Variants in CASC3 observed in about 807,000 individuals in gnomAD.
CASC3 encodes the protein CASC3 exon junction complex subunit.
CASC3 carries 30 observed loss-of-function variants against 80.5 expected under a neutral mutation model. The ratio of observed to expected loss-of-function variants is 0.37; its 90% confidence interval spans 0.28 to 0.51. The LOEUF is 0.51. Among genes scored for constraint, CASC3 ranks in the 20% least tolerant of loss-of-function variants. The pLI is 0.94. For missense variants in CASC3, 824 were observed against 922.2 expected, an observed-to-expected ratio of 0.89 and a Z score of 1.38; for synonymous variants, 312 against 333.6, an observed-to-expected ratio of 0.94 and a Z score of 0.70.
rs553413473 is a variant in CASC3 at position 40,170,511 on chromosome 17, A to G, written c.*106A>G. On this transcript the variant is annotated 3_prime_UTR_variant, in exon 14 of 14. Transcript: ENST00000264645. Reference sequence around the variant, plus strand: ...CTATCTACTACCAGAAGGGCTTCAAAGATATAGGGTGTGGCTCCTACCAGC... The same window carrying G: ...CTATCTACTACCAGAAGGGCTTCAAGGATATAGGGTGTGGCTCCTACCAGC... The G allele has an allele frequency of 2.1e-5, 21 of 985,592 alleles. No homozygotes were observed. In the Admixed American group the frequency reaches 1.1e-3, roughly 52 times the overall value. The allele number at this position is 985,592 out of a possible 1,614,324, so 61.1% of individuals were successfully genotyped here. A position where few individuals can be genotyped will look rare whatever the true frequency, so the allele number is the denominator to read the frequency against.
chr17:40,155,321 A>G (rs555689004), intron 3 of CASC3, among the ~76,000 whole-genome samples: 32 of 151,590 alleles, frequency 2.1e-4, no homozygotes, highest in African/African-American at 6.5e-4. Context: ...CAGTGTCGCT[A>G]TCTTGGCTCA....
intron 3 of CASC3, among the ~76,000 whole-genome samples, chr17:40,145,556 G>A (rs930130816): frequency 2.0e-5 from 3 of 152,044 alleles, no homozygotes; most frequent in African/African-American, 7.2e-5. Flanking sequence ...TGTGACTGGA[G>A]CATTGTTGGG....
rs752490333 is a variant in CASC3, at chr17:40,167,915, C to T, written c.1717C>T (p.Leu573Phe). 2 of 1,614,100 alleles carry T rather than the reference C, an allele frequency of 1.2e-6. No individual in the cohort carries two copies. The highest frequency in any genetic ancestry group is 1.7e-6 in the Non-Finnish European group (2 of 1,179,992). ...SPAPLPPQGM[L>F]VQPGMNLPHP... ...TGCCCCGCTGCCTCCACAGGGCATG[C>T]TTGTGCAGCCAGGAATGAACCTTCC... The change falls in exon 10 of 14, where the codon CTT becomes TTT. Residue 573 changes from leucine to phenylalanine, a missense_variant. By Grantham distance (22) the Leu-to-Phe change is conservative. This residue lies in a region of CASC3 where 464 missense variants were observed against 506.0 expected (regional missense o/e 0.92). Transcript: ENST00000264645.
intron 3 of CASC3, among the ~76,000 whole-genome samples, chr17:40,150,643 A>G (rs1988979766): frequency 6.6e-6 from 1 of 152,182 alleles, no homozygotes; most frequent in African/African-American, 2.4e-5. Context: ...AGAAGCATCA[A>G]GGGAATGGAT....
At chr17:40,166,646 C>T (rs922169683) in intron 7 of CASC3, 151 bp from the exon 8 acceptor site, 2 of 514,392 alleles carry the variant, frequency 3.9e-6, no homozygotes, top group Non-Finnish European at 3.4e-6. Flanking sequence ...CTGGTGTTGA[C>T]AGAAAGCAGA....
chr17:40,163,724 T>G lies in CASC3; in HGVS notation c.1029T>G (p.Val343=), dbSNP rs144428076. The part of the protein sequence containing the change: ...GQHGGRSGET[V]KHEISYRSRR... ...ATGGTGGCCGGTCTGGTGAGACTGT[T>G]AAGCATGAGATTAGTTACCGGTCAC... is the stretch of plus-strand genomic sequence containing the variant. The change falls in exon 7 of 14, where the codon GTT becomes GTG. Residue 343 remains valine (V), a synonymous_variant. Coordinates refer to ENST00000264645, the MANE Select transcript of CASC3 (RefSeq NM_007359.5). 6,307 of 1,614,138 alleles carry G rather than the reference T, an allele frequency of 3.9e-3. 26 individuals carry two copies. The highest frequency in any genetic ancestry group is 4.4e-3 in the Non-Finnish European group (5,218 of 1,180,012).
At chr17:40,169,240 T>A in intron 11 of CASC3, 84 bp from the exon 12 acceptor site, 1 of 1,328,048 alleles carries the variant, frequency 7.5e-7, no homozygotes, top group South Asian at 1.9e-5. Flanking sequence ...CCAATTCTCT[T>A]ATGGCTGAAT....
At chr17:40,167,113 C>T in intron 8 of CASC3, 1 of 518,724 alleles carries the variant, frequency 1.9e-6, no homozygotes, top group Non-Finnish European at 3.4e-6. Context: ...AGGCACGTGC[C>T]ATCATGCCCA....
chr17:40,167,573 G>T lies in CASC3; in HGVS notation c.1612G>T (p.Val538Leu). 1 of 1,613,926 alleles carries T rather than the reference G, an allele frequency of 6.2e-7. No individual in the cohort carries two copies. The highest frequency in any genetic ancestry group is 8.5e-7 in the Non-Finnish European group (1 of 1,179,892). Residue 538 changes from valine to leucine, a missense_variant, in exon 9 of 14, where the codon GTG becomes TTG. Physicochemically the swap from Val to Leu is conservative, Grantham distance 32. Transcript: ENST00000264645. ...RPVPEPPAPP[V>L]HISIMEGHYY... Reference sequence around the variant, plus strand: ...TGTGCCAGAGCCCCCCGCCCCTCCAGTGCATATCAGTATCATGGAGGGACA... The same window carrying T: ...TGTGCCAGAGCCCCCCGCCCCTCCATTGCATATCAGTATCATGGAGGGACA...
intron 7 of CASC3, among the ~76,000 whole-genome samples, 178 bp downstream of exon 7, chr17:40,164,344 A>G (rs1282987232): frequency 6.6e-6 from 1 of 151,940 alleles, no homozygotes; most frequent in Non-Finnish European, 1.5e-5. Context: ...GCTCACTGCA[A>G]CCTTCGCCTC....
chr17:40,143,140 A>G (rs1178175694), intron 3 of CASC3, among the ~76,000 whole-genome samples: 1 of 151,936 alleles, frequency 6.6e-6, no homozygotes, highest in Non-Finnish European at 1.5e-5. Context: ...CAAAAAGAAT[A>G]GTAATTAGAA....
intron 4 of CASC3, 43 bp from the exon 5 acceptor site, chr17:40,161,959 C>T: frequency 6.2e-7 from 1 of 1,612,652 alleles, no homozygotes; most frequent in Non-Finnish European, 8.5e-7. Context: ...AATAGAGATT[C>T]TTGAGGCTTG....
At chr17:40,149,862 G>A (rs139275867) in intron 3 of CASC3, among the ~76,000 whole-genome samples, 2,314 of 152,008 alleles carry the variant, frequency 0.015, 81 homozygotes, top group African/African-American at 0.053. Context: ...AAAATTAGCC[G>A]GGCATGGTGG....
intron 3 of CASC3, among the ~76,000 whole-genome samples, chr17:40,150,415 CGTGTGTGTGTGTGT>C (rs10545573): frequency 2.7e-5 from 4 of 148,940 alleles, no homozygotes; most frequent in African/African-American, 4.9e-5. Flanking sequence ...AGAGTGTGTG[CGTGTGTGTGTGTGT>C]GTGTGTGTGT....
chr17:40,151,104 G>C (rs898437889), intron 3 of CASC3, among the ~76,000 whole-genome samples: 21 of 152,180 alleles, frequency 1.4e-4, no homozygotes, highest in Admixed American at 1.1e-3. Flanking sequence ...ATTTAGCCAG[G>C]TGCGTGCCTG....
Position 40,161,831 on chromosome 17 carries a change from T to TC in CASC3, c.377dup (p.Thr127AsnfsTer11). On this transcript the variant is annotated frameshift_variant, in exon 4 of 14. Transcript: ENST00000264645. LOFTEE classifies it high-confidence loss of function. The stretch of plus-strand genomic sequence containing the variant: ...AGAAGCTAATGATGCTGTTAATTCT[T>TC]CAACAAAAGAAGAGAAGGGAGAAGA... The TC allele has an allele frequency of 6.2e-7, 1 of 1,614,074 alleles. No individual in the cohort carries two copies. Among genetic ancestry groups the TC allele is most frequent in the East Asian group, 2.2e-5 (1 of 44,874 alleles).
intron 3 of CASC3, among the ~76,000 whole-genome samples, chr17:40,143,636 C>T (rs991656634): frequency 3.3e-5 from 5 of 151,570 alleles, no homozygotes; most frequent in South Asian, 4.2e-4. Flanking sequence ...TTGAGACCAT[C>T]CTGGCCAACA....
intron 3 of CASC3, among the ~76,000 whole-genome samples, chr17:40,157,053 A>T (rs534363553): frequency 6.6e-5 from 10 of 152,158 alleles, no homozygotes; most frequent in African/African-American, 2.4e-4. Context: ...TTAAAAAAAT[A>T]AAAGGGGGTT....
intron 13 of CASC3, among the ~76,000 whole-genome samples, chr17:40,170,090 A>G (rs559786398): frequency 7.9e-5 from 12 of 150,964 alleles, no homozygotes; most frequent in East Asian, 7.8e-4. Flanking sequence ...TAATCATGGG[A>G]TATCTCAGGA....
Sources: gnomAD v4.1 joint callset for allele counts (sites outside exome capture counted in the v4.1 genomes callset) on GRCh38, gnomAD v4.1.1 for gene constraint, gnomAD v4.1.1 regional missense constraint, MANE v1.5 for transcripts, NCBI Gene and HGNC (gene_info 2026-07-23, HGNC 2026-07-21) for gene names.